The following GALNT13 variants were observed in gnomAD, a reference collection of about 807,000 sequenced individuals.
GALNT13 encodes polypeptide N-acetylgalactosaminyltransferase 13, also known as UDP-GalNAc:polypeptide N-acetylgalactosaminyltransferase 13.
In GALNT13, 28 loss-of-function variants were observed where a neutral mutation model predicts 64.2. That is an observed-to-expected ratio of 0.44 (90% CI 0.32 to 0.60). The LOEUF is 0.60. GALNT13 is among the 20% of genes least tolerant of loss of function. The pLI, the probability that GALNT13 is intolerant of heterozygous loss-of-function variation, is 0.05. For synonymous variants in GALNT13, 214 were observed against 224.6 expected (o/e 0.95, Z 0.42); for missense variants, 577 against 669.8 (o/e 0.86, Z 1.53).
At chr2:154,058,463 G>A (rs1359617335) in intron 3 of GALNT13, among the ~76,000 whole-genome samples, 1 of 152,216 alleles carries the variant, frequency 6.6e-6, no homozygotes, top group Admixed American at 6.5e-5. Flanking sequence ...ATAAGGCAAC[G>A]ACTTGTGGAA....
At chr2:153,556,365 AAAAT>A in the GALNT13 span, among the ~76,000 whole-genome samples, 209 of 152,360 alleles carry the variant, frequency 1.4e-3, 1 homozygote, top group African/African-American at 4.7e-3. Flanking sequence ...ACATCAGAAA[AAAAT>A]CTTTAAAATT....
At chr2:153,417,405 G>T in the GALNT13 span, among the ~76,000 whole-genome samples, 1 of 152,268 alleles carries the variant, frequency 6.6e-6, no homozygotes, top group East Asian at 1.9e-4. Context: ...CTTTCACTTA[G>T]ATTGATAGGT....
the GALNT13 span, among the ~76,000 whole-genome samples, chr2:153,629,938 C>T: frequency 6.8e-6 from 1 of 147,994 alleles, no homozygotes; most frequent in Non-Finnish European, 1.5e-5. Context: ...CAAATCAAAA[C>T]CACTATGAGA....
chr2:153,120,710 C>G, the GALNT13 span, among the ~76,000 whole-genome samples: 2 of 152,032 alleles, frequency 1.3e-5, no homozygotes, highest in Non-Finnish European at 2.9e-5. Flanking sequence ...TTAGTACAAG[C>G]AATTTTGTAA....
At chr2:153,260,542 G>T in the GALNT13 span, among the ~76,000 whole-genome samples, 1 of 152,108 alleles carries the variant, frequency 6.6e-6, no homozygotes, top group Non-Finnish European at 1.5e-5. Flanking sequence ...GGCCTGTAAG[G>T]TTTTCACTGA....
At chr2:153,972,246 A>G (rs571767381) in intron 3 of GALNT13, among the ~76,000 whole-genome samples, 1 of 152,220 alleles carries the variant, frequency 6.6e-6, no homozygotes, top group Admixed American at 6.5e-5. Flanking sequence ...GGAAACAAAT[A>G]TAGCAACTAA....
At chr2:153,339,461 T>C in the GALNT13 span, among the ~76,000 whole-genome samples, 430 of 152,354 alleles carry the variant, frequency 2.8e-3, 1 homozygote, top group Non-Finnish European at 4.7e-3. Context: ...AATTGAGTTA[T>C]TTGTTTTCTT....
the GALNT13 span, among the ~76,000 whole-genome samples, chr2:153,821,577 G>A: frequency 0.18 from 26,894 of 152,018 alleles, 2,895 homozygotes; most frequent in Admixed American, 0.36. Flanking sequence ...TCTCTGGGAT[G>A]CAGCAAAAGC....
chr2:153,258,963 C>T, the GALNT13 span, among the ~76,000 whole-genome samples: 3 of 152,100 alleles, frequency 2.0e-5, no homozygotes, highest in African/African-American at 4.8e-5. Context: ...TGATTAGGTC[C>T]GTTTGGTCTA....
chr2:154,081,659 A>G (rs16836014), intron 3 of GALNT13, among the ~76,000 whole-genome samples: 1 of 151,696 alleles, frequency 6.6e-6, no homozygotes, highest in Non-Finnish European at 1.5e-5. Context: ...CCATAGCGCA[A>G]TATATTCCCC....
chr2:154,332,593 A>AAG (rs1231867455), intron 9 of GALNT13, among the ~76,000 whole-genome samples: 1 of 152,096 alleles, frequency 6.6e-6, no homozygotes, highest in East Asian at 1.9e-4. Flanking sequence ...ACCTCTTTAT[A>AAG]AGACACCTAC....
At chr2:153,581,397 G>T in the GALNT13 span, among the ~76,000 whole-genome samples, 2 of 151,876 alleles carry the variant, frequency 1.3e-5, no homozygotes, top group Non-Finnish European at 2.9e-5. Flanking sequence ...GCAAATAGGG[G>T]ATGTTCATTT....
the GALNT13 span, among the ~76,000 whole-genome samples, chr2:153,359,608 G>A: frequency 4.7e-5 from 4 of 84,432 alleles, no homozygotes; most frequent in African/African-American, 1.8e-4. Flanking sequence ...GACACAATGG[G>A]ACACCAAAAT....
chr2:153,640,300 C>G, the GALNT13 span, among the ~76,000 whole-genome samples: 1 of 152,170 alleles, frequency 6.6e-6, no homozygotes, highest in East Asian at 1.9e-4. Flanking sequence ...TAATTGACTA[C>G]TCCAAGTGTG....
chr2:154,438,740 T>G lies in GALNT13; in HGVS notation c.1530+14T>G. On this transcript the variant is annotated intron_variant, in intron 12 of 12. Coordinates refer to ENST00000392825, the MANE Select transcript of GALNT13 (RefSeq NM_052917.4). Reference sequence around the variant, plus strand: ...TATGATGCTGAGGTATAGTATTTTCTTAATTTACTTATTATTTGATGCTTA... The same window carrying G: ...TATGATGCTGAGGTATAGTATTTTCGTAATTTACTTATTATTTGATGCTTA... The G allele has an allele frequency of 6.4e-7, 1 of 1,568,398 alleles. No homozygotes were observed. Among genetic ancestry groups the G allele is most frequent in the South Asian group, 1.2e-5 (1 of 86,106 alleles).
At chr2:153,844,254 G>A in the GALNT13 span, among the ~76,000 whole-genome samples, 16 of 152,258 alleles carry the variant, frequency 1.1e-4, no homozygotes, top group African/African-American at 3.1e-4. Context: ...GGCAGAGGCC[G>A]TTCCTTCACT....
chr2:153,470,269 C>A, the GALNT13 span, among the ~76,000 whole-genome samples: 1 of 152,062 alleles, frequency 6.6e-6, no homozygotes, highest in Non-Finnish European at 1.5e-5. Context: ...GATGCATGGC[C>A]TTGTATCCTC....
chr2:153,344,068 CT>C, the GALNT13 span, among the ~76,000 whole-genome samples: 1 of 151,414 alleles, frequency 6.6e-6, no homozygotes, highest in Non-Finnish European at 1.5e-5. Context: ...TTTTTTTTCC[CT>C]GAAACATTTG....
intron 3 of GALNT13, among the ~76,000 whole-genome samples, chr2:154,045,469 C>T (rs996612801): frequency 5.3e-5 from 8 of 152,128 alleles, no homozygotes; most frequent in Admixed American, 2.0e-4. Context: ...ACCTTGTTTC[C>T]AGTTAGCTGT....
Sources: allele counts gnomAD v4.1 joint callset (sites outside exome capture counted in the v4.1 genomes callset), GRCh38; gene constraint gnomAD v4.1.1; transcripts MANE v1.5; gene names NCBI Gene and HGNC (gene_info 2026-07-23, HGNC 2026-07-21).